Variants in LRFN5 observed in about 807,000 individuals in gnomAD.
LRFN5 encodes leucine rich repeat and fibronectin type III domain containing 5.
A neutral mutation model predicts 45.6 loss-of-function variants in LRFN5; 24 were observed. The observed-to-expected ratio is 0.53, with a 90% confidence interval of 0.38 to 0.74. The LOEUF (loss-of-function observed/expected upper bound fraction) is 0.74. Ranked by LOEUF, LRFN5 falls within the 30% of genes least tolerant of loss-of-function variation. The probability of loss-of-function intolerance (pLI) is 0.00; values close to 1 mark genes in which losing one functional copy is unlikely to be tolerated. For synonymous variants in LRFN5, 340 were observed against 313.8 expected, an observed-to-expected ratio of 1.08 and a Z score of -0.88; for missense variants, 776 against 861.5, an observed-to-expected ratio of 0.90 and a Z score of 1.24.
At chr14:41,732,283 C>T (rs954180757) in intron 1 of LRFN5, among the ~76,000 whole-genome samples, 3 of 151,988 alleles carry the variant, frequency 2.0e-5, no homozygotes, top group Admixed American at 6.6e-5. Flanking sequence ...ATGATTATGA[C>T]GAGGCAGTGG....
intron 2 of LRFN5, among the ~76,000 whole-genome samples, chr14:41,866,066 A>G (rs1355188828): frequency 6.6e-6 from 1 of 152,148 alleles, no homozygotes; most frequent in Admixed American, 6.6e-5. Context: ...TTTGATGACC[A>G]ATTTTGCTTC....
chr14:41,609,373 A>AT (rs76805035), intron 1 of LRFN5, among the ~76,000 whole-genome samples: 48 of 149,512 alleles, frequency 3.2e-4, no homozygotes, highest in African/African-American at 7.1e-4. Context: ...GATATTTTGA[A>AT]TTTTTTTTTT....
chr14:41,652,720 T>C (rs1463848488), intron 1 of LRFN5, among the ~76,000 whole-genome samples: 1 of 152,136 alleles, frequency 6.6e-6, no homozygotes, highest in African/African-American at 2.4e-5. Flanking sequence ...TGTCTTTAGG[T>C]CTTTGAGGAA....
intron 1 of LRFN5, among the ~76,000 whole-genome samples, chr14:41,675,741 A>C (rs990157518): frequency 6.6e-6 from 1 of 152,214 alleles, no homozygotes; most frequent in African/African-American, 2.4e-5. Context: ...TGCTTTACAA[A>C]TATTAATGAT....
chr14:41,901,780 C>A (rs1365505996), intron 5 of LRFN5, among the ~76,000 whole-genome samples: 1 of 151,944 alleles, frequency 6.6e-6, no homozygotes, highest in Non-Finnish European at 1.5e-5. Flanking sequence ...TGCAAATATG[C>A]TTCCAATTTG....
intron 1 of LRFN5, among the ~76,000 whole-genome samples, chr14:41,683,124 A>G (rs1322474493): frequency 6.6e-6 from 1 of 152,224 alleles, no homozygotes; most frequent in Non-Finnish European, 1.5e-5. Flanking sequence ...TTATTCAGTA[A>G]GACCAAATGG....
At chr14:41,882,994 G>A (rs1890437880) in intron 2 of LRFN5, among the ~76,000 whole-genome samples, 1 of 151,682 alleles carries the variant, frequency 6.6e-6, no homozygotes, top group African/African-American at 2.4e-5. Flanking sequence ...GACTACAGTT[G>A]CACGCCACCA....
At chr14:41,890,443 C>T (rs1890736237) in intron 3 of LRFN5, among the ~76,000 whole-genome samples, 1 of 151,926 alleles carries the variant, frequency 6.6e-6, no homozygotes, top group South Asian at 2.1e-4. Context: ...CGCGGTGGCT[C>T]ACGCCTGTAA....
rs146468980 is a variant in LRFN5 at position 41,792,606 on chromosome 14, A to T, written c.-21+25577A>T. ...ATTTAGCAATATCTGTCCTACTTGC[A>T]CGTCTGTTTATATGCTCTCTGCAAG... On this transcript the variant is annotated intron_variant, in intron 2 of 5. Coordinates refer to ENST00000298119, the MANE Select transcript of LRFN5 (RefSeq NM_152447.5). 4.7e-4 allele frequency among the ~76,000 whole-genome samples: 71 copies of T among 152,088 alleles called. 1 individual carries two copies. Among genetic ancestry groups the T allele is most frequent in the South Asian group, 3.5e-3 (17 of 4,820 alleles).
intron 1 of LRFN5, among the ~76,000 whole-genome samples, chr14:41,656,360 G>C (rs1875137480): frequency 6.6e-6 from 1 of 151,984 alleles, no homozygotes; most frequent in South Asian, 2.1e-4. Flanking sequence ...TGAAAGAAAT[G>C]AATTTGAACG....
chr14:41,767,265 G>A (rs1329726075), intron 2 of LRFN5, among the ~76,000 whole-genome samples: 1 of 150,502 alleles, frequency 6.6e-6, no homozygotes, highest in Non-Finnish European at 1.5e-5. Flanking sequence ...TTTTTTTTAG[G>A]ATTTGTGTTT....
intron 1 of LRFN5, among the ~76,000 whole-genome samples, chr14:41,614,200 G>A (rs1887854536): frequency 6.6e-6 from 1 of 151,976 alleles, no homozygotes. Flanking sequence ...CATTTGTACA[G>A]TAACATTAAA....
At chr14:41,892,090 C>T in intron 4 of LRFN5, 128 bp downstream of exon 4, 1 of 1,456,414 alleles carries the variant, frequency 6.9e-7, no homozygotes, top group South Asian at 1.5e-5. Context: ...CTAAAAGAAG[C>T]ATGTCTATGA....
In LRFN5 at chr14:41,707,607, A is replaced by G. The variant is rs570024344; in HGVS notation, c.-196-59247A>G. Among the ~76,000 whole-genome samples, 16 of 152,232 alleles carry G rather than the reference A, an allele frequency of 1.1e-4. No individual in the cohort carries two copies. The East Asian group carries it at 1.7e-3, about 17-fold the overall frequency. ...TTTACTTTTATATATACTAAAATATACTTCTGGACTTTCTCTCTTAATCTA... is the reference window on the plus strand; with the variant it reads ...TTTACTTTTATATATACTAAAATATGCTTCTGGACTTTCTCTCTTAATCTA... On this transcript the variant is annotated intron_variant, in intron 1 of 5. Coordinates refer to ENST00000298119, the MANE Select transcript of LRFN5 (RefSeq NM_152447.5).
At chr14:41,757,699 G>C (rs139889027) in intron 1 of LRFN5, among the ~76,000 whole-genome samples, 1 of 152,156 alleles carries the variant, frequency 6.6e-6, no homozygotes, top group Non-Finnish European at 1.5e-5. Context: ...GACCCCTTGC[G>C]CTTGCCAGGT....
At chr14:41,746,568 A>G (rs1884928243) in intron 1 of LRFN5, among the ~76,000 whole-genome samples, 1 of 151,974 alleles carries the variant, frequency 6.6e-6, no homozygotes, top group Non-Finnish European at 1.5e-5. Flanking sequence ...TCTGATTATC[A>G]CTGATGTTGA....
intron 1 of LRFN5, among the ~76,000 whole-genome samples, chr14:41,608,809 A>AT (rs1337583766): frequency 1.3e-5 from 2 of 152,248 alleles, no homozygotes; most frequent in East Asian, 3.9e-4. Context: ...CCCTGAGGAT[A>AT]TTTTTTGAGA....
intron 4 of LRFN5, chr14:41,892,712 T>A: frequency 1.0e-6 from 1 of 985,350 alleles, no homozygotes; most frequent in Admixed American, 6.1e-5. Context: ...TTGGTGCAGG[T>A]GCCTTAATGG....
chr14:41,728,415 C>A (rs1389427581), intron 1 of LRFN5, among the ~76,000 whole-genome samples: 1 of 151,970 alleles, frequency 6.6e-6, no homozygotes, highest in Non-Finnish European at 1.5e-5. Flanking sequence ...CAAAGACTCT[C>A]AAGGAAAAAG....
Sources: gnomAD v4.1 joint callset for allele counts (sites outside exome capture counted in the v4.1 genomes callset) on GRCh38, gnomAD v4.1.1 for gene constraint, MANE v1.5 for transcripts, NCBI Gene and HGNC (gene_info 2026-07-23, HGNC 2026-07-21) for gene names.